The following BMPR1A variants were observed in gnomAD, a reference collection of about 807,000 sequenced individuals.
The protein encoded by BMPR1A is bone morphogenetic protein receptor type-1A.
Under a neutral mutation model 66.0 loss-of-function variants are expected in BMPR1A, and 7 were observed. The observed-to-expected ratio is 0.11, with a 90% CI of 0.06 to 0.20. The LOEUF is 0.20. BMPR1A is among the 10% of genes least tolerant of loss of function. The probability of loss-of-function intolerance (pLI) is 1.00; values close to 1 mark genes in which losing one functional copy is unlikely to be tolerated. For missense variants in BMPR1A, 408 were observed against 669.1 expected (o/e 0.61, Z 4.31); for synonymous variants, 200 against 229.7 (o/e 0.87, Z 1.17).
chr10:86,902,762 A>G (rs529851286), intron 7 of BMPR1A, among the ~76,000 whole-genome samples: 1 of 152,336 alleles, frequency 6.6e-6, no homozygotes, highest in Admixed American at 6.5e-5. Context: ...CGGGTTGGGC[A>G]TCACAGGGGG....
chr10:86,867,291 A>G (rs1406906347), intron 2 of BMPR1A, among the ~76,000 whole-genome samples: 1 of 152,230 alleles, frequency 6.6e-6, no homozygotes, highest in African/African-American at 2.4e-5. Context: ...TAGATAGTGC[A>G]AATATTACAA....
downstream of BMPR1A, chr10:86,931,242 CAAAAA>C (rs1163664422): frequency 2.0e-5 from 1 of 50,240 alleles, no homozygotes; most frequent in Non-Finnish European, 3.4e-5. Context: ...CTCCGTCTCT[CAAAAA>C]AAAAAAAAGA....
At chr10:86,901,037 A>G (rs947641597) in intron 7 of BMPR1A, among the ~76,000 whole-genome samples, 1 of 152,250 alleles carries the variant, frequency 6.6e-6, no homozygotes, top group African/African-American at 2.4e-5. Flanking sequence ...TGCAGCTTTC[A>G]CCATGGTCTC....
intron 1 of BMPR1A, among the ~76,000 whole-genome samples, chr10:86,818,313 C>T (rs933524918): frequency 5.3e-5 from 8 of 152,216 alleles, no homozygotes; most frequent in South Asian, 2.1e-4. Flanking sequence ...CACCGTGTCC[C>T]GCCAGCTAAT....
At chr10:86,837,149 G>T (rs1203291613) in intron 1 of BMPR1A, among the ~76,000 whole-genome samples, 7 of 152,124 alleles carry the variant, frequency 4.6e-5, no homozygotes, top group Non-Finnish European at 1.0e-4. Context: ...AAATGGTGCT[G>T]TAATAAACAA....
chr10:86,781,079 C>G (rs1841430121), intron 1 of BMPR1A, among the ~76,000 whole-genome samples: 1 of 151,960 alleles, frequency 6.6e-6, no homozygotes, highest in Admixed American at 6.6e-5. Flanking sequence ...TGGTCTCGAA[C>G]TCTTGACCTG....
chr10:86,861,073 C>T (rs1489624995), intron 2 of BMPR1A, among the ~76,000 whole-genome samples: 4 of 152,036 alleles, frequency 2.6e-5, no homozygotes, highest in Non-Finnish European at 4.4e-5. Flanking sequence ...AATCTCCTGA[C>T]CTTGTGATCC....
intron 1 of BMPR1A, among the ~76,000 whole-genome samples, chr10:86,775,216 C>T (rs915133105): frequency 1.3e-5 from 2 of 152,318 alleles, no homozygotes; most frequent in East Asian, 1.9e-4. Flanking sequence ...TGGCTCTACA[C>T]GTGGTAAACG....
chr10:86,882,300 G>C (rs752729820), intron 3 of BMPR1A, among the ~76,000 whole-genome samples: 28 of 151,970 alleles, frequency 1.8e-4, no homozygotes, highest in Admixed American at 1.0e-3. Context: ...GCATGTGCCT[G>C]TAGTCACAGC....
intron 8 of BMPR1A, among the ~76,000 whole-genome samples, chr10:86,916,298 A>G (rs868661764): frequency 7.2e-5 from 11 of 152,220 alleles, no homozygotes; most frequent in African/African-American, 2.4e-4. Flanking sequence ...CCACCCCAAA[A>G]CTTAGTGATG....
At position 86,788,845 on chromosome 10, in the gene BMPR1A, G is replaced by A. The variant is rs112605188; in HGVS notation, c.-268+31926G>A. Among the ~76,000 whole-genome samples, 1,068 of 152,154 alleles carry A rather than the reference G, an allele frequency of 7.0e-3. 14 individuals carry two copies. The highest frequency in any genetic ancestry group is 0.024 in the African/African-American group (1,008 of 41,504). On this transcript the variant is annotated intron_variant, in intron 1 of 12. Transcript: ENST00000372037. Reference sequence around the variant, plus strand: ...TGGTCTCGAACTCCTGACCTTAGGCGATTCACCCACCTCAGTCTCCCAAAG... The same window carrying A: ...TGGTCTCGAACTCCTGACCTTAGGCAATTCACCCACCTCAGTCTCCCAAAG...
intron 3 of BMPR1A, among the ~76,000 whole-genome samples, chr10:86,882,274 T>C (rs1842999447): frequency 6.6e-6 from 1 of 150,964 alleles, no homozygotes; most frequent in Admixed American, 6.6e-5. Context: ...AATACGAAAA[T>C]TAGCCGGGCA....
intron 3 of BMPR1A, among the ~76,000 whole-genome samples, chr10:86,880,922 T>C (rs531693858): frequency 1.1e-4 from 17 of 152,266 alleles, no homozygotes; most frequent in African/African-American, 4.1e-4. Context: ...TAGTTAGGGC[T>C]GAGGGCTGTG....
chr10:86,895,089 G>A (rs1843207234), intron 5 of BMPR1A, among the ~76,000 whole-genome samples: 3 of 152,234 alleles, frequency 2.0e-5, no homozygotes, highest in Admixed American at 6.5e-5. Context: ...AAAGGCATCA[G>A]TGTAGGCTAT....
rs572972222 is a variant in BMPR1A, at chr10:86,868,778, G to GTGTTTTTTTTTTT, written c.-152-7088_-152-7087insGTTTTTTTTTTTT. On this transcript the variant is annotated intron_variant, in intron 2 of 12. Coordinates refer to ENST00000372037, the MANE Select transcript of BMPR1A (RefSeq NM_004329.3). ...TCAACTGACTTCAGCCTTTTCCTGT[G>GTGTTTTTTTTTTT]TTTTTTTTTTTTTAAGTTCCAATTG... Among the ~76,000 whole-genome samples the GTGTTTTTTTTTTT allele has an allele frequency of 1.4e-3, 204 of 141,014 alleles. 2 individuals are homozygous for GTGTTTTTTTTTTT. Among genetic ancestry groups the GTGTTTTTTTTTTT allele is most frequent in the African/African-American group, 4.8e-3 (182 of 37,948 alleles). 92.5% of individuals were successfully genotyped at this position (141,014 alleles called of 152,430 possible). A position where few individuals can be genotyped will look rare whatever the true frequency, so the allele number is the denominator to read the frequency against.
chr10:86,902,138 G>T (rs891693185), intron 7 of BMPR1A, among the ~76,000 whole-genome samples: 4 of 152,134 alleles, frequency 2.6e-5, no homozygotes, highest in Admixed American at 2.6e-4. Flanking sequence ...GGAATTACAG[G>T]CGTGAGCCAC....
chr10:86,855,349 G>T, intron 2 of BMPR1A: 2 of 852,418 alleles, frequency 2.3e-6, no homozygotes, highest in Non-Finnish European at 1.8e-6. Context: ...TGCCACTTCA[G>T]GACACACCTG....
At position 86,927,888 on chromosome 10, in the gene BMPR1A, G is replaced by A. The variant is rs987972000; in HGVS notation, c.*4169G>A. ...GCATCTGGTTTAAAAGGTGCCTTAA[G>A]AGTTTACCATTACTTGCTTTGTTCT... On this transcript the variant is annotated 3_prime_UTR_variant, in exon 13 of 13. Transcript: ENST00000372037. 1.1e-5 allele frequency: 2 copies of A among 189,534 alleles called. No homozygotes were observed. Among genetic ancestry groups the A allele is most frequent in the Non-Finnish European group, 2.2e-5 (2 of 90,434 alleles). The allele number at this position is 189,534 out of a possible 1,614,324, so 11.7% of individuals were successfully genotyped here.
chr10:86,804,217 G>T lies in BMPR1A; in HGVS notation c.-267-34648G>T, dbSNP rs183877196. Among the ~76,000 whole-genome samples, 336 of 152,142 alleles carry T rather than the reference G, an allele frequency of 2.2e-3. 1 individual carries two copies. The highest frequency in any genetic ancestry group is 3.6e-3 in the Non-Finnish European group (242 of 67,984). On this transcript the variant is annotated intron_variant, in intron 1 of 12. Transcript: ENST00000372037. ...ACAATTGGGACTTAGTAATATATGG[G>T]TTTGGTTAGTAGTTTTGTATCACAT...
Sources: allele counts gnomAD v4.1 joint callset (sites outside exome capture counted in the v4.1 genomes callset), GRCh38; gene constraint gnomAD v4.1.1; transcripts MANE v1.5; gene names NCBI Gene and HGNC (gene_info 2026-07-23, HGNC 2026-07-21).